MAGT1: variants seen among roughly 807,000 people sequenced by gnomAD.
The protein encoded by MAGT1 is magnesium transporter 1.
MAGT1 carries 4 observed loss-of-function variants against 28.4 expected under a neutral mutation model. The ratio of observed to expected loss-of-function variants is 0.14; its 90% CI spans 0.07 to 0.32. MAGT1 has a LOEUF of 0.32. Ranked by LOEUF, MAGT1 falls within the 10% of genes least tolerant of loss-of-function variation. The probability of loss-of-function intolerance (pLI) is 1.00; values close to 1 mark genes in which losing one functional copy is unlikely to be tolerated. For synonymous variants in MAGT1, 89 were observed against 89.7 expected, an observed-to-expected ratio of 0.99 and a Z score of 0.04; for missense variants, 193 against 264.5, an observed-to-expected ratio of 0.73 and a Z score of 1.88.
intron 7 of MAGT1, among the ~76,000 whole-genome samples, chrX:77,844,657 C>CATT (rs2076945396): frequency 9.1e-6 from 1 of 110,350 alleles, no homozygotes; most frequent in African/African-American, 3.3e-5. Context: ...TCTTTGTTCT[C>CATT]GGTTTCAAAG....
At chrX:77,870,679 T>C (rs1483737252) in intron 3 of MAGT1, 129 bp downstream of exon 3, 5 of 490,500 alleles carry the variant, frequency 1.0e-5, no homozygotes, top group Non-Finnish European at 1.8e-5. Context: ...AGTTTAACTT[T>C]TAGTTTGCTA....
intron 7 of MAGT1, among the ~76,000 whole-genome samples, chrX:77,841,679 CTTTTT>C (rs1159254108): frequency 2.0e-5 from 2 of 98,271 alleles, no homozygotes; most frequent in Non-Finnish European, 4.1e-5. Context: ...TATTAAATGG[CTTTTT>C]TTTTTTTTTG....
At chrX:77,858,046 A>G (rs1401733245) in intron 3 of MAGT1, among the ~76,000 whole-genome samples, 42 of 112,002 alleles carry the variant, frequency 3.7e-4, no homozygotes, top group Non-Finnish European at 1.5e-4. Context: ...TTGAGAAGAC[A>G]ACACCGGAAA....
intron 8 of MAGT1, among the ~76,000 whole-genome samples, chrX:77,831,149 C>G (rs1557213401): frequency 9.0e-6 from 1 of 110,768 alleles, no homozygotes; most frequent in East Asian, 2.8e-4. Context: ...TCCAGGGTAG[C>G]TGGGACTACA....
chrX:77,835,643 G>A (rs1235484412), intron 8 of MAGT1, among the ~76,000 whole-genome samples: 5 of 111,757 alleles, frequency 4.5e-5, no homozygotes, highest in Admixed American at 3.8e-4. Context: ...GTACTCCCAT[G>A]TTTGTTGTAG....
chrX:77,884,891 TGA>T (rs1254696167), intron 1 of MAGT1, among the ~76,000 whole-genome samples: 1 of 106,088 alleles, frequency 9.4e-6, no homozygotes, highest in Non-Finnish European at 1.9e-5. Flanking sequence ...GAGACCATGG[TGA>T]AACCCCGTCT....
At chrX:77,881,938 G>A (rs2077053889) in intron 1 of MAGT1, among the ~76,000 whole-genome samples, 1 of 111,581 alleles carries the variant, frequency 9.0e-6, no homozygotes, top group Non-Finnish European at 1.9e-5. Context: ...ACATCAAAAA[G>A]CTTATCCACC....
chrX:77,895,428 C>T lies in MAGT1; in HGVS notation c.-18G>A. 1 of 1,209,332 alleles carries T rather than the reference C, an allele frequency of 8.3e-7. No individual in the cohort carries two copies. The highest frequency in any genetic ancestry group is 1.1e-6 in the Non-Finnish European group (1 of 893,947). ...GCTGCCATGTTCGCTCCTCTCCCTT[C>T]TATAAGTGAAACTTTGCTCCGGCTA... On this transcript the variant is annotated 5_prime_UTR_variant, in exon 1 of 10. Coordinates refer to ENST00000618282, the MANE Select transcript of MAGT1 (RefSeq NM_001367916.1).
At chrX:77,869,136 A>C (rs1219758583) in intron 3 of MAGT1, among the ~76,000 whole-genome samples, 2 of 111,213 alleles carry the variant, frequency 1.8e-5, no homozygotes, top group Non-Finnish European at 3.8e-5. Flanking sequence ...ATGCCTCAGC[A>C]TCCCGAGTAG....
chrX:77,826,351 C>T lies in MAGT1; in HGVS notation c.*2869G>A, dbSNP rs1450033101. On this transcript the variant is annotated 3_prime_UTR_variant, in exon 10 of 10. Coordinates refer to ENST00000618282, the MANE Select transcript of MAGT1 (RefSeq NM_001367916.1). The stretch of plus-strand genomic sequence containing the variant: ...AACTCACTCCTCTTTAGATGGTAAT[C>T]AAAAACTCAGAATTTAGATTGTAAA... 2.7e-5 allele frequency: 3 copies of T among 112,330 alleles called. No individual in the cohort carries two copies. The highest frequency in any genetic ancestry group is 5.6e-5 in the Non-Finnish European group (3 of 53,198). The allele number at this position is 112,330 out of a possible 1,213,427, so 9.3% of individuals were successfully genotyped here.
intron 3 of MAGT1, among the ~76,000 whole-genome samples, chrX:77,863,943 G>A (rs1248607790): frequency 9.0e-6 from 1 of 111,076 alleles, no homozygotes; most frequent in Non-Finnish European, 1.9e-5. Context: ...AGAATGGCTT[G>A]AACCTGGGAG....
At chrX:77,874,457 G>T (rs1367984810) in intron 2 of MAGT1, among the ~76,000 whole-genome samples, 1 of 107,470 alleles carries the variant, frequency 9.3e-6, no homozygotes, top group African/African-American at 3.4e-5. Flanking sequence ...TTAGCTGGGC[G>T]TGGTGGTGTG....
At chrX:77,845,736 T>C (rs1470215464) in intron 7 of MAGT1, among the ~76,000 whole-genome samples, 1 of 111,767 alleles carries the variant, frequency 8.9e-6, no homozygotes, top group East Asian at 2.8e-4. Flanking sequence ...GGTTGAAAAT[T>C]CTTTTCTTTA....
rs1432110571 is a variant in MAGT1 at position 77,827,324 on chromosome X, AC to A, written c.*1895del. ...CTCCACCTAAAGGAAGAGAATAAAGACTAAAATAACAGCAAAACATAGAACA... is the reference window on the plus strand; with the variant it reads ...CTCCACCTAAAGGAAGAGAATAAAGATAAAATAACAGCAAAACATAGAACA... On this transcript the variant is annotated 3_prime_UTR_variant, in exon 10 of 10. Coordinates refer to ENST00000618282, the MANE Select transcript of MAGT1 (RefSeq NM_001367916.1). 1 of 112,191 alleles carries A rather than the reference AC, an allele frequency of 8.9e-6. No individual in the cohort carries two copies. Among genetic ancestry groups the A allele is most frequent in the Non-Finnish European group, 1.9e-5 (1 of 53,245 alleles). 9.2% of individuals were successfully genotyped at this position (112,191 alleles called of 1,213,427 possible). A position where few individuals can be genotyped will look rare whatever the true frequency, so the allele number is the denominator to read the frequency against.
chrX:77,845,621 C>G (rs782089223), intron 7 of MAGT1, among the ~76,000 whole-genome samples: 12 of 111,382 alleles, frequency 1.1e-4, no homozygotes, highest in Non-Finnish European at 1.7e-4. Context: ...GAGCTCTTGT[C>G]GGGCAGGCCT....
At chrX:77,858,620 G>C (rs782544496) in intron 3 of MAGT1, among the ~76,000 whole-genome samples, 1 of 111,966 alleles carries the variant, frequency 8.9e-6, no homozygotes, top group South Asian at 3.7e-4. Flanking sequence ...ACTGACTGTT[G>C]CTTATCATTA....
intron 7 of MAGT1, among the ~76,000 whole-genome samples, chrX:77,852,398 T>G (rs2149016922): frequency 8.9e-6 from 1 of 112,023 alleles, no homozygotes; most frequent in Admixed American, 9.6e-5. Context: ...TAATATTTTT[T>G]TAGAATGCTT....
At chrX:77,892,128 C>A (rs2077084412) in intron 1 of MAGT1, among the ~76,000 whole-genome samples, 1 of 110,987 alleles carries the variant, frequency 9.0e-6, no homozygotes, top group Admixed American at 9.7e-5. Context: ...CTCCTGACCT[C>A]AAGTGATCCA....
At chrX:77,831,491 G>A (rs946222943) in intron 8 of MAGT1, among the ~76,000 whole-genome samples, 1 of 111,220 alleles carries the variant, frequency 9.0e-6, no homozygotes, top group African/African-American at 3.3e-5. Context: ...CAATTCAAAT[G>A]TATGAAATAA....
Sources: gnomAD v4.1 joint callset for allele counts (sites outside exome capture counted in the v4.1 genomes callset) on GRCh38, gnomAD v4.1.1 for gene constraint, MANE v1.5 for transcripts, NCBI Gene and HGNC (gene_info 2026-07-23, HGNC 2026-07-21) for gene names.